PARD3B: variants seen among roughly 807,000 people sequenced by gnomAD.
PARD3B encodes the protein par-3 family cell polarity regulator beta.
In PARD3B, 103 loss-of-function variants were observed where a neutral mutation model predicts 130.2. That is an observed-to-expected ratio of 0.79 (90% CI 0.67 to 0.93). PARD3B has a LOEUF of 0.93. Ranked by LOEUF, PARD3B falls within the 40% of genes least tolerant of loss-of-function variation. PARD3B has a pLI of 0.00. For missense variants in PARD3B, 1,609 were observed against 1,499.2 expected, an observed-to-expected ratio of 1.07 and a Z score of -1.21; for synonymous variants, 583 against 553.2, an observed-to-expected ratio of 1.05 and a Z score of -0.76.
chr2:204,860,520 A>G (rs2125625977), intron 2 of PARD3B, among the ~76,000 whole-genome samples: 1 of 152,326 alleles, frequency 6.6e-6, no homozygotes, highest in Non-Finnish European at 1.5e-5. Flanking sequence ...GTTGGAAAGA[A>G]AGAAGACGAC....
At chr2:205,432,812 C>T in intron 19 of PARD3B, among the ~76,000 whole-genome samples, 1 of 152,176 alleles carries the variant, frequency 6.6e-6, no homozygotes, top group East Asian at 1.9e-4. Context: ...TCAAAAACTC[C>T]TACTACCTCT....
chr2:204,707,806 T>A lies in PARD3B; in HGVS notation c.222+21524T>A, dbSNP rs1226546054. On this transcript the variant is annotated intron_variant, in intron 2 of 22. Coordinates refer to ENST00000406610, the MANE Select transcript of PARD3B (RefSeq NM_001302769.2). ...CAATGATTCCTTAATATTAAAATTT[T>A]AAAAAATAGTAATGCAGAAAATAAA... Among the ~76,000 whole-genome samples, 5 of 152,210 alleles carry A rather than the reference T, an allele frequency of 3.3e-5. No individual in the cohort carries two copies. The East Asian group carries it at 5.8e-4, about 18-fold the overall frequency.
chr2:205,379,978 G>C (rs2045250378), intron 18 of PARD3B, among the ~76,000 whole-genome samples: 1 of 147,778 alleles, frequency 6.8e-6, no homozygotes, highest in Non-Finnish European at 1.5e-5. Context: ...AGAGGCAAGA[G>C]AATTGCTTGA....
intron 1 of PARD3B, among the ~76,000 whole-genome samples, chr2:204,617,901 T>C (rs1224406085): frequency 6.6e-6 from 1 of 152,220 alleles, no homozygotes; most frequent in East Asian, 1.9e-4. Context: ...CTGCACAGTA[T>C]TCTGTGATGT....
chr2:205,369,464 T>C (rs988421838), intron 18 of PARD3B, among the ~76,000 whole-genome samples: 2 of 152,186 alleles, frequency 1.3e-5, no homozygotes, highest in African/African-American at 4.8e-5. Flanking sequence ...ACACGTAGAA[T>C]GAGATGGAAA....
At chr2:204,984,263 T>TAATAGTCA (rs1692933530) in intron 3 of PARD3B, among the ~76,000 whole-genome samples, 2 of 152,162 alleles carry the variant, frequency 1.3e-5, no homozygotes, top group Admixed American at 6.5e-5. Flanking sequence ...TTGCTGTCTG[T>TAATAGTCA]AATAGTCAAG....
intron 2 of PARD3B, among the ~76,000 whole-genome samples, chr2:204,894,872 C>T (rs1327396772): frequency 6.6e-6 from 1 of 151,674 alleles, no homozygotes; most frequent in African/African-American, 2.4e-5. Context: ...TAAAAGAATG[C>T]CTTTGGTCCA....
intron 4 of PARD3B, among the ~76,000 whole-genome samples, chr2:205,077,799 A>G (rs899137622): frequency 6.6e-6 from 1 of 152,176 alleles, no homozygotes; most frequent in African/African-American, 2.4e-5. Flanking sequence ...CTTATTTAAA[A>G]GAGACTGTTC....
rs1400938461 is a variant in PARD3B, at chr2:205,121,822, C to T, written c.1038C>T (p.Ser346=). 3 of 1,613,922 alleles carry T rather than the reference C, an allele frequency of 1.9e-6. No individual in the cohort carries two copies. The highest frequency in any genetic ancestry group is 1.7e-6 in the Non-Finnish European group (2 of 1,180,008). Residue 346 remains serine, a synonymous_variant, in exon 8 of 23, where the codon TCC becomes TCT. Coordinates refer to ENST00000406610, the MANE Select transcript of PARD3B (RefSeq NM_001302769.2). This position sits in a 1 kb window ranked among gnomAD's most constrained non-coding sequence, Gnocchi z 5.0. Reference sequence around the variant, plus strand: ...GTCCTGAAACAGATGCATCAGCTTCCCTGCAACAAAACAAGAGTCCCCGAG... The same window carrying T: ...GTCCTGAAACAGATGCATCAGCTTCTCTGCAACAAAACAAGAGTCCCCGAG... The part of the protein sequence containing the change: ...TDSPETDASA[S]LQQNKSPRVP...
At chr2:205,307,375 A>G (rs2042222331) in intron 18 of PARD3B, among the ~76,000 whole-genome samples, 1 of 152,174 alleles carries the variant, frequency 6.6e-6, no homozygotes, top group Non-Finnish European at 1.5e-5. Flanking sequence ...TTCAAGTGTG[A>G]TTCTTATATA....
At chr2:205,431,162 C>T (rs1329899991) in intron 19 of PARD3B, among the ~76,000 whole-genome samples, 1 of 152,244 alleles carries the variant, frequency 6.6e-6, no homozygotes, top group Non-Finnish European at 1.5e-5. Context: ...CTGCAACCTC[C>T]ACCTTCCAGG....
chr2:205,146,054 T>C lies in PARD3B; in HGVS notation c.1435-12668T>C, dbSNP rs1035731749. ...CAGCAGCCTGTGGATTGACTGTCCATAGCGAAGGGCACCTGCACATCAGTC... is the reference window on the plus strand; with the variant it reads ...CAGCAGCCTGTGGATTGACTGTCCACAGCGAAGGGCACCTGCACATCAGTC... On this transcript the variant is annotated intron_variant, in intron 10 of 22. Transcript: ENST00000406610. This position sits in a 1 kb window ranked among gnomAD's most constrained non-coding sequence, Gnocchi z 4.3. Among the ~76,000 whole-genome samples the C allele has an allele frequency of 1.1e-4, 16 of 152,290 alleles. No individual in the cohort carries two copies. The East Asian group carries it at 2.7e-3, about 26-fold the overall frequency.
chr2:205,604,308 C>A (rs1246585143), intron 22 of PARD3B, among the ~76,000 whole-genome samples: 2 of 152,122 alleles, frequency 1.3e-5, no homozygotes, highest in African/African-American at 2.4e-5. Flanking sequence ...GGAAGCCTCA[C>A]AATCGTGGTG....
At chr2:205,573,364 G>T (rs1190083075) in intron 22 of PARD3B, among the ~76,000 whole-genome samples, 1 of 152,126 alleles carries the variant, frequency 6.6e-6, no homozygotes, top group Non-Finnish European at 1.5e-5. Flanking sequence ...CAACTGGGTG[G>T]CTGGAGGTGC....
At chr2:205,424,825 C>T (rs1212686304) in intron 19 of PARD3B, among the ~76,000 whole-genome samples, 2 of 152,008 alleles carry the variant, frequency 1.3e-5, no homozygotes, top group Non-Finnish European at 2.9e-5. Flanking sequence ...TTGGCAGTCC[C>T]TAGGGTTAAA....
chr2:205,084,838 T>G (rs1227930899), intron 4 of PARD3B, among the ~76,000 whole-genome samples: 1 of 152,030 alleles, frequency 6.6e-6, no homozygotes, highest in Non-Finnish European at 1.5e-5. Flanking sequence ...GTCATATTTT[T>G]TCTCTATATG....
chr2:204,643,297 A>G (rs1216882710), intron 1 of PARD3B, among the ~76,000 whole-genome samples: 2 of 151,568 alleles, frequency 1.3e-5, no homozygotes, highest in South Asian at 2.1e-4. Context: ...TCTTTTTTCC[A>G]TAAATTACCC....
At chr2:204,987,115 C>A (rs1470883740) in intron 3 of PARD3B, among the ~76,000 whole-genome samples, 1 of 152,012 alleles carries the variant, frequency 6.6e-6, no homozygotes, top group Non-Finnish European at 1.5e-5. Context: ...CCAAAGGTGC[C>A]TTTCCTCACA....
intron 2 of PARD3B, among the ~76,000 whole-genome samples, chr2:204,954,525 A>G (rs1381730230): frequency 6.6e-6 from 1 of 152,230 alleles, no homozygotes. Context: ...GGTGAAATGT[A>G]GTACCAATTA....
Sources: allele counts gnomAD v4.1 joint callset (sites outside exome capture counted in the v4.1 genomes callset), GRCh38; gene constraint gnomAD v4.1.1; non-coding constraint Gnocchi (gnomAD v3.1); transcripts MANE v1.5; gene names NCBI Gene and HGNC (gene_info 2026-07-23, HGNC 2026-07-21).